ECPAS: variants seen among roughly 807,000 people sequenced by gnomAD.
ECPAS encodes Ecm29 proteasome adaptor and scaffold, also known as proteasome adapter and scaffold protein ECM29.
In ECPAS, 70 loss-of-function variants were observed where a neutral mutation model predicts 255.1. The observed-to-expected ratio is 0.27, with a 90% CI of 0.23 to 0.33. The LOEUF is 0.33. Ranked by LOEUF, ECPAS falls within the 10% of genes least tolerant of loss-of-function variation. The probability of loss-of-function intolerance (pLI) is 1.00; values close to 1 mark genes in which losing one functional copy is unlikely to be tolerated. For missense variants in ECPAS, 1,817 were observed against 2,206.4 expected, an observed-to-expected ratio of 0.82 and a Z score of 3.54; for synonymous variants, 784 against 775.0, an observed-to-expected ratio of 1.01 and a Z score of -0.19.
At chr9:111,444,594 T>C (rs2098250326) in intron 3 of ECPAS, 100 bp from the exon 4 acceptor site, 1 of 756,122 alleles carries the variant, frequency 1.3e-6, no homozygotes, top group African/African-American at 1.8e-5. Context: ...TAGTGAATAG[T>C]AGCTACTTTG....
chr9:111,398,765 C>T (rs1279583946), intron 24 of ECPAS, among the ~76,000 whole-genome samples: 3 of 151,870 alleles, frequency 2.0e-5, no homozygotes, highest in African/African-American at 7.3e-5. Flanking sequence ...GGTGAAACCC[C>T]GTCTCTACTA....
In ECPAS at chr9:111,371,602, G is replaced by A; in HGVS notation, c.4737+19C>T. ...ATGAAGTCAGAATCCCTTTAACTGG[G>A]TATGAATGGTTCCTTTACCTTTCCT... On this transcript the variant is annotated intron_variant, in intron 43 of 49. Coordinates refer to ENST00000684092, the MANE Select transcript of ECPAS (RefSeq NM_001364929.1). The A allele has an allele frequency of 6.3e-7, 1 of 1,599,864 alleles. No homozygotes were observed. The highest frequency in any genetic ancestry group is 8.6e-7 in the Non-Finnish European group (1 of 1,167,840).
At chr9:111,462,350 TATATCTC>T (rs1037792890) in intron 2 of ECPAS, among the ~76,000 whole-genome samples, 10 of 152,092 alleles carry the variant, frequency 6.6e-5, no homozygotes, top group Non-Finnish European at 1.5e-5. Context: ...CTACAGCAAA[TATATCTC>T]ATACAAAATC....
At position 111,389,906 on chromosome 9, in the gene ECPAS, C is replaced by T. The variant is rs1343383061; in HGVS notation, c.3279+78G>A. 1.3e-5 allele frequency: 15 copies of T among 1,171,482 alleles called. No individual in the cohort carries two copies. The East Asian group carries it at 3.6e-4, about 28-fold the overall frequency. 72.6% of individuals were successfully genotyped at this position (1,171,482 alleles called of 1,614,324 possible). ...GACTTTCACAAAATGCACTACATAC[C>T]ATTTGCCACTGTCTGCCAATGTAGC... On this transcript the variant is annotated intron_variant, in intron 30 of 49. Coordinates refer to ENST00000684092, the MANE Select transcript of ECPAS (RefSeq NM_001364929.1).
In ECPAS at chr9:111,371,668, G is replaced by A. The variant is rs1005598325; in HGVS notation, c.4690C>T (p.Leu1564=). 4 of 1,613,878 alleles carry A rather than the reference G, an allele frequency of 2.5e-6. No individual in the cohort carries two copies. The highest frequency in any genetic ancestry group is 2.5e-6 in the Non-Finnish European group (3 of 1,179,818). The change falls in exon 43 of 50, where the codon CTG becomes TTG. Residue 1564 remains leucine (L), a synonymous_variant. Transcript: ENST00000684092. The stretch of plus-strand genomic sequence containing the variant: ...GCCAGGCCTTGCAGCAATGCGGTCA[G>A]TATCATTCCGAGATATGGAGGTACT... The part of the protein sequence containing the change: ...SLVPPYLGMI[L]TALLQGLAGR...
At chr9:111,466,655 A>ACG (rs1554802512) in intron 2 of ECPAS, among the ~76,000 whole-genome samples, 4 of 146,770 alleles carry the variant, frequency 2.7e-5, no homozygotes, top group African/African-American at 9.9e-5. Context: ...ACACACACAC[A>ACG]CGTTTTTATT....
intron 31 of ECPAS, among the ~76,000 whole-genome samples, chr9:111,388,156 C>T (rs1414690040): frequency 1.3e-5 from 2 of 151,636 alleles, no homozygotes; most frequent in Non-Finnish European, 2.9e-5. Context: ...GTTTTGTTAT[C>T]CTTACTTACA....
chr9:111,424,257 G>A (rs781276163), intron 12 of ECPAS, among the ~76,000 whole-genome samples: 2 of 152,270 alleles, frequency 1.3e-5, no homozygotes, highest in Non-Finnish European at 2.9e-5. Context: ...ACCTACTAAC[G>A]TGCCTTGACT....
intron 37 of ECPAS, among the ~76,000 whole-genome samples, chr9:111,375,842 GT>G (rs2098132822): frequency 6.6e-6 from 1 of 152,022 alleles, no homozygotes; most frequent in African/African-American, 2.4e-5. Context: ...GTACACTTCA[GT>G]TTTTTTAGGG....
intron 8 of ECPAS, 141 bp from the exon 9 acceptor site, chr9:111,430,769 A>C (rs1274171438): frequency 3.0e-6 from 2 of 670,726 alleles, no homozygotes; most frequent in African/African-American, 3.7e-5. Flanking sequence ...ACATTGTAGA[A>C]GAGAAGGAAA....
At chr9:111,391,202 C>G (rs1027722162) in intron 29 of ECPAS, among the ~76,000 whole-genome samples, 15 of 152,178 alleles carry the variant, frequency 9.9e-5, no homozygotes, top group Admixed American at 5.2e-4. Flanking sequence ...CTCATCCCCC[C>G]AGAGTGACCC....
chr9:111,384,671 T>A, intron 33 of ECPAS, 102 bp from the exon 34 acceptor site: 2 of 1,007,306 alleles, frequency 2.0e-6, no homozygotes, highest in Non-Finnish European at 3.1e-6. Flanking sequence ...AGAGATTTGG[T>A]GGAAAATCTT....
At chr9:111,446,313 G>A (rs1366764443) in intron 3 of ECPAS, among the ~76,000 whole-genome samples, 1 of 152,182 alleles carries the variant, frequency 6.6e-6, no homozygotes. Context: ...ACAATAAAAA[G>A]ATTTCTGCCA....
rs749899849 is a variant in ECPAS at position 111,425,736 on chromosome 9, G to A, written c.1136+7C>T. On this transcript the variant is annotated splice_region_variant and intron_variant, in intron 11 of 49. Coordinates refer to ENST00000684092, the MANE Select transcript of ECPAS (RefSeq NM_001364929.1). The stretch of plus-strand genomic sequence containing the variant: ...AAACTTTATAGTTAAAATAGTTAAA[G>A]ACTTACGTTATACAAATATGATGCA... 11 of 1,486,770 alleles carry A rather than the reference G, an allele frequency of 7.4e-6. No homozygotes were observed. Among genetic ancestry groups the A allele is most frequent in the African/African-American group, 2.8e-5 (2 of 72,306 alleles). The allele number at this position is 1,486,770 out of a possible 1,614,324, so 92.1% of individuals were successfully genotyped here. A position where few individuals can be genotyped will look rare whatever the true frequency, so the allele number is the denominator to read the frequency against.
chr9:111,469,018 A>G (rs1446820504), intron 2 of ECPAS, among the ~76,000 whole-genome samples: 1 of 152,182 alleles, frequency 6.6e-6, no homozygotes, highest in Non-Finnish European at 1.5e-5. Context: ...TATCATCTCA[A>G]TTCCCCAAAA....
In ECPAS at chr9:111,465,829, T is replaced by C. The variant is rs190576696; in HGVS notation, c.22+7068A>G. ...CAGAAGAATCACTGGAGCCCAGGAG[T>C]TTGAGACCAGCCTCGGCAACACAGC... On this transcript the variant is annotated intron_variant, in intron 2 of 49. Coordinates refer to ENST00000684092, the MANE Select transcript of ECPAS (RefSeq NM_001364929.1). Among the ~76,000 whole-genome samples, 188 of 149,408 alleles carry C rather than the reference T, an allele frequency of 1.3e-3. 2 individuals are homozygous for C. The highest frequency in any genetic ancestry group is 1.9e-4 in the Non-Finnish European group (13 of 67,316).
At chr9:111,408,761 G>A in intron 23 of ECPAS, 89 bp from the exon 24 acceptor site, 1 of 723,348 alleles carries the variant, frequency 1.4e-6, no homozygotes, top group South Asian at 2.5e-5. Context: ...TGACAGGGAA[G>A]CGCAGTCTAT....
chr9:111,389,719 G>C lies in ECPAS; in HGVS notation c.3284C>G (p.Ala1095Gly), dbSNP rs780028311. Residue 1095 changes from alanine to glycine, a missense_variant, in exon 31 of 50, where the codon GCT becomes GGT. Transcript: ENST00000684092. ...HHAMWNSRKG[A>G]AFGFNVIATR... The stretch of plus-strand genomic sequence containing the variant: ...AGCAATTACATTAAAACCAAAAGCA[G>C]CACCCTAAAAATAATAGGCTGAAGT... The C allele has an allele frequency of 6.2e-6, 10 of 1,607,782 alleles. No homozygotes were observed. The highest frequency in any genetic ancestry group is 8.5e-6 in the Non-Finnish European group (10 of 1,177,328).
intron 1 of ECPAS, chr9:111,483,648 G>C (rs994302323): frequency 5.0e-6 from 1 of 200,404 alleles, no homozygotes. Flanking sequence ...CCGTTCACTC[G>C]GCGCGGACCG....
Sources: allele counts gnomAD v4.1 joint callset (sites outside exome capture counted in the v4.1 genomes callset), GRCh38; gene constraint gnomAD v4.1.1; transcripts MANE v1.5; gene names NCBI Gene and HGNC (gene_info 2026-07-23, HGNC 2026-07-21).